The following SRBD1 variants were observed in gnomAD, a reference collection of about 807,000 sequenced individuals.
The protein encoded by SRBD1 is S1 RNA-binding domain-containing protein 1.
In SRBD1, 88 loss-of-function variants were observed where a neutral mutation model predicts 115.3. The observed-to-expected ratio is 0.76, with a 90% CI of 0.64 to 0.91. The LOEUF is 0.91. Ranked by LOEUF, SRBD1 falls within the 40% of genes least tolerant of loss-of-function variation. SRBD1 has a pLI of 0.00. For synonymous variants in SRBD1, 509 were observed against 407.7 expected (o/e 1.25, Z -2.99); for missense variants, 1,385 against 1,177.4 (o/e 1.18, Z -2.58).
chr2:45,394,830 G>C (rs1302387964), intron 19 of SRBD1, among the ~76,000 whole-genome samples: 2 of 152,172 alleles, frequency 1.3e-5, no homozygotes, highest in Non-Finnish European at 2.9e-5. Context: ...TTGGTTAATA[G>C]TCTAATAAAA....
At chr2:45,558,497 G>T (rs1489063512) in intron 10 of SRBD1, among the ~76,000 whole-genome samples, 1 of 151,994 alleles carries the variant, frequency 6.6e-6, no homozygotes, top group Non-Finnish European at 1.5e-5. Flanking sequence ...TTCATTTGCT[G>T]AATCTGGACC....
intron 16 of SRBD1, among the ~76,000 whole-genome samples, chr2:45,436,216 A>T (rs1400896930): frequency 6.6e-6 from 1 of 152,228 alleles, no homozygotes; most frequent in Non-Finnish European, 1.5e-5. Flanking sequence ...ACACTCATTC[A>T]TGATAAAAAT....
intron 16 of SRBD1, among the ~76,000 whole-genome samples, chr2:45,464,284 A>G (rs1465420120): frequency 6.6e-6 from 1 of 152,190 alleles, no homozygotes; most frequent in Non-Finnish European, 1.5e-5. Context: ...GCTCACATAC[A>G]GAACTCCCAC....
Position 45,521,067 on chromosome 2 carries a change from G to A in SRBD1, c.1874+25665C>T, listed in dbSNP as rs139599078. ...CTTGGGCTCCTGCAACTGTCTGTCC[G>A]CATGCTCCCCCTCCCATAAGAGGTT... On this transcript the variant is annotated intron_variant, in intron 14 of 20. Transcript: ENST00000263736. Among the ~76,000 whole-genome samples, 214 of 152,140 alleles carry A rather than the reference G, an allele frequency of 1.4e-3. 1 individual carries two copies. The highest frequency in any genetic ancestry group is 4.7e-3 in the African/African-American group (195 of 41,468).
intron 19 of SRBD1, among the ~76,000 whole-genome samples, chr2:45,412,023 G>T (rs1227965121): frequency 6.6e-6 from 1 of 152,016 alleles, no homozygotes; most frequent in Non-Finnish European, 1.5e-5. Context: ...TGACGCGCAA[G>T]AATCACTTGA....
Position 45,413,272 on chromosome 2 carries a change from G to T in SRBD1, c.2355C>A (p.Gly785=), listed in dbSNP as rs1269459746. 2 of 1,613,292 alleles carry T rather than the reference G, an allele frequency of 1.2e-6. No individual in the cohort carries two copies. The highest frequency in any genetic ancestry group is 2.2e-5 in the East Asian group (1 of 44,848). Residue 785 remains glycine, a synonymous_variant, in exon 19 of 21, where the codon GGC becomes GGA. Coordinates refer to ENST00000263736, the MANE Select transcript of SRBD1 (RefSeq NM_018079.5). The part of the protein sequence containing the change: ...TFCSQQTETS[G]QIQGVAVTSS... Reference sequence around the variant, plus strand: ...ATGTCACAGCAACTCCTTGAATTTGGCCTGAAGTTTCAGTTTGCTGACTAT... The same window carrying T: ...ATGTCACAGCAACTCCTTGAATTTGTCCTGAAGTTTCAGTTTGCTGACTAT...
chr2:45,500,201 T>A (rs1670584574), intron 14 of SRBD1, among the ~76,000 whole-genome samples: 1 of 151,464 alleles, frequency 6.6e-6, no homozygotes, highest in African/African-American at 2.4e-5. Context: ...TTTGGAAAAA[T>A]CTTTGACTTC....
intron 14 of SRBD1, among the ~76,000 whole-genome samples, chr2:45,534,857 A>G (rs945444831): frequency 6.6e-6 from 1 of 151,966 alleles, no homozygotes; most frequent in Non-Finnish European, 1.5e-5. Flanking sequence ...CCAAAGCAAA[A>G]GAAAAAGGTC....
At chr2:45,520,101 C>A (rs1003072382) in intron 14 of SRBD1, among the ~76,000 whole-genome samples, 2 of 152,036 alleles carry the variant, frequency 1.3e-5, no homozygotes, top group African/African-American at 4.8e-5. Context: ...AAATTACATC[C>A]CAGGCAATTA....
chr2:45,491,579 T>C (rs1228585353), intron 14 of SRBD1, among the ~76,000 whole-genome samples: 1 of 152,180 alleles, frequency 6.6e-6, no homozygotes, highest in Non-Finnish European at 1.5e-5. Context: ...TATAAGAAAG[T>C]ACACTTCAGA....
chr2:45,557,343 A>G (rs542208370), intron 10 of SRBD1, among the ~76,000 whole-genome samples: 1 of 152,210 alleles, frequency 6.6e-6, no homozygotes, highest in Non-Finnish European at 1.5e-5. Context: ...TAATGTATGT[A>G]TCTGATTTGT....
intron 14 of SRBD1, among the ~76,000 whole-genome samples, chr2:45,526,924 A>G (rs115321523): frequency 0.012 from 1,774 of 151,996 alleles, 42 homozygotes; most frequent in African/African-American, 0.039. Flanking sequence ...GATGTGAAAA[A>G]GAAGGGACAG....
intron 16 of SRBD1, among the ~76,000 whole-genome samples, chr2:45,444,263 T>C (rs1668755638): frequency 6.6e-6 from 1 of 152,090 alleles, no homozygotes; most frequent in Non-Finnish European, 1.5e-5. Flanking sequence ...AAAAATTACC[T>C]GGGTGTGGTG....
At chr2:45,605,218 G>A (rs572111868) in intron 2 of SRBD1, 144 bp downstream of exon 2, 54 of 666,818 alleles carry the variant, frequency 8.1e-5, no homozygotes, top group South Asian at 3.2e-4. Flanking sequence ...CACAGCATGA[G>A]TTCAACAAAT....
At chr2:45,389,901 G>T (rs1666951311) in intron 20 of SRBD1, among the ~76,000 whole-genome samples, 1 of 152,240 alleles carries the variant, frequency 6.6e-6, no homozygotes, top group Admixed American at 6.5e-5. Flanking sequence ...GAGGTGATGA[G>T]AATATATATT....
At chr2:45,522,548 C>G (rs1474960279) in intron 14 of SRBD1, among the ~76,000 whole-genome samples, 1 of 152,152 alleles carries the variant, frequency 6.6e-6, no homozygotes, top group African/African-American at 2.4e-5. Context: ...TAGGGATGCT[C>G]AACTGTTAAG....
intron 14 of SRBD1, among the ~76,000 whole-genome samples, chr2:45,492,254 C>T (rs1670319225): frequency 6.6e-6 from 1 of 152,196 alleles, no homozygotes; most frequent in Non-Finnish European, 1.5e-5. Context: ...CTACAGTTTA[C>T]AAGTCTTTTC....
intron 16 of SRBD1, among the ~76,000 whole-genome samples, chr2:45,423,820 C>T (rs1668075745): frequency 6.6e-6 from 1 of 152,124 alleles, no homozygotes; most frequent in Non-Finnish European, 1.5e-5. Flanking sequence ...CTAAATCCAA[C>T]AGCCTATTAA....
chr2:45,528,786 G>A (rs892458600), intron 14 of SRBD1, among the ~76,000 whole-genome samples: 1 of 151,804 alleles, frequency 6.6e-6, no homozygotes, highest in African/African-American at 2.4e-5. Context: ...AGAGGTACAA[G>A]AATGCCTAGA....
Sources: allele counts gnomAD v4.1 joint callset (sites outside exome capture counted in the v4.1 genomes callset), GRCh38; gene constraint gnomAD v4.1.1; transcripts MANE v1.5; gene names NCBI Gene and HGNC (gene_info 2026-07-23, HGNC 2026-07-21).